PIBF1: variants seen among roughly 807,000 people sequenced by gnomAD.
The protein encoded by PIBF1 is progesterone-induced-blocking factor 1.
In PIBF1, 90 loss-of-function variants were observed where a neutral mutation model predicts 112.5. That is an observed-to-expected ratio of 0.80 (90% CI 0.67 to 0.95). The LOEUF is 0.95. PIBF1 is among the 40% of genes least tolerant of loss of function. The probability of loss-of-function intolerance (pLI) is 0.00; values close to 1 mark genes in which losing one functional copy is unlikely to be tolerated. For missense variants in PIBF1, 915 were observed against 852.3 expected, an observed-to-expected ratio of 1.07 and a Z score of -0.92; for synonymous variants, 301 against 288.6, an observed-to-expected ratio of 1.04 and a Z score of -0.44.
chr13:72,949,307 T>TG, intron 14 of PIBF1, among the ~76,000 whole-genome samples: 1 of 74,236 alleles, frequency 1.3e-5, no homozygotes. Context: ...TGTCTTTTTT[T>TG]TTTTTTTTTT....
chr13:72,928,016 C>CACACATATATATACACAT (rs1566458475), intron 13 of PIBF1, among the ~76,000 whole-genome samples: 12 of 53,978 alleles, frequency 2.2e-4, no homozygotes, highest in East Asian at 1.1e-3. Context: ...CATATATATA[C>CACACATATATATACACAT]ATATATATAC....
In PIBF1 at chr13:72,877,092, A is replaced by G. The variant is rs1480226151; in HGVS notation, c.1323-16692A>G. ...TACTAAGAGTTTGTATCATCAGTAG[A>G]TGTTAGATTTTGTGAAATGCTTTCT... On this transcript the variant is annotated intron_variant, in intron 10 of 17. Transcript: ENST00000326291. Among the ~76,000 whole-genome samples, 9 of 152,112 alleles carry G rather than the reference A, an allele frequency of 5.9e-5. No homozygotes were observed. In the East Asian group the frequency reaches 1.2e-3, roughly 20 times the overall value.
chr13:72,876,252 G>A (rs921887918), intron 10 of PIBF1, among the ~76,000 whole-genome samples: 4 of 148,606 alleles, frequency 2.7e-5, no homozygotes, highest in African/African-American at 7.5e-5. Flanking sequence ...TTGACTGTGC[G>A]GGTCTATTTC....
At chr13:72,886,667 T>G (rs543698613) in intron 10 of PIBF1, among the ~76,000 whole-genome samples, 1 of 152,214 alleles carries the variant, frequency 6.6e-6, no homozygotes, top group East Asian at 1.9e-4. Context: ...ATATGATAGA[T>G]GCATTGAATT....
At chr13:72,966,494 C>A (rs2042741997) in intron 15 of PIBF1, among the ~76,000 whole-genome samples, 1 of 152,096 alleles carries the variant, frequency 6.6e-6, no homozygotes, top group Non-Finnish European at 1.5e-5. Context: ...ATAAATAGTT[C>A]TTGGGGACAA....
chr13:73,013,323 A>G (rs1222733627), intron 17 of PIBF1, among the ~76,000 whole-genome samples: 1 of 146,354 alleles, frequency 6.8e-6, no homozygotes, highest in Admixed American at 6.7e-5. Context: ...AAAAAAAAAA[A>G]AAAGAAAATA....
At chr13:72,932,979 T>C (rs1414317960) in intron 14 of PIBF1, among the ~76,000 whole-genome samples, 1 of 152,192 alleles carries the variant, frequency 6.6e-6, no homozygotes, top group Non-Finnish European at 1.5e-5. Flanking sequence ...TTCCAGTTTT[T>C]GGAATAAAGC....
chr13:72,966,635 G>A (rs754668924), intron 15 of PIBF1, among the ~76,000 whole-genome samples: 1 of 151,992 alleles, frequency 6.6e-6, no homozygotes, highest in Admixed American at 6.5e-5. Context: ...TTGGCCAGGC[G>A]CAGTGGCTCA....
At position 72,950,485 on chromosome 13, in the gene PIBF1, G is replaced by A. The variant is rs528778867; in HGVS notation, c.1834-14789G>A. ...AGCAAGAATTCCCACTGCAGAAACC[G>A]TGTTACTTTTTCTCAAATAAATTTG... is the stretch of plus-strand genomic sequence containing the variant. On this transcript the variant is annotated intron_variant, in intron 14 of 17. Transcript: ENST00000326291. Among the ~76,000 whole-genome samples the A allele has an allele frequency of 7.2e-5, 11 of 152,202 alleles. No homozygotes were observed. The South Asian group carries it at 1.2e-3, about 17-fold the overall frequency.
chr13:72,838,608 G>A (rs950858190), intron 9 of PIBF1, among the ~76,000 whole-genome samples: 14 of 152,166 alleles, frequency 9.2e-5, no homozygotes, highest in African/African-American at 3.4e-4. Flanking sequence ...ATTTGTTATA[G>A]GTTGGTGTTT....
chr13:72,944,427 G>A (rs1263989953), intron 14 of PIBF1, among the ~76,000 whole-genome samples: 1 of 142,832 alleles, frequency 7.0e-6, no homozygotes, highest in Non-Finnish European at 1.5e-5. Flanking sequence ...TCTAGCCTAG[G>A]TGACAGAGCA....
intron 10 of PIBF1, among the ~76,000 whole-genome samples, chr13:72,866,552 C>G (rs1013091261): frequency 6.6e-6 from 1 of 152,070 alleles, no homozygotes; most frequent in African/African-American, 2.4e-5. Context: ...CTATGACATA[C>G]ATTTATTATG....
chr13:72,976,147 C>T (rs1319410682), intron 16 of PIBF1, among the ~76,000 whole-genome samples: 3 of 152,074 alleles, frequency 2.0e-5, no homozygotes, highest in Admixed American at 2.0e-4. Flanking sequence ...CCTGTAGTCC[C>T]AGGTACTCTG....
Position 72,998,867 on chromosome 13 carries a change from C to G in PIBF1, c.2095C>G (p.His699Asp). The change falls in exon 17 of 18, where the codon CAT (histidine) becomes GAT (aspartate). Residue 699 changes from histidine (H) to aspartate (D), a missense_variant. His to Asp is a moderately conservative substitution (Grantham distance 81). Transcript: ENST00000326291. Reference sequence around the variant, plus strand: ...GATTCTCGTTAAGATGCATAGTAAACATTCTGAGAACAGCTTACTTCTCAC... The same window carrying G: ...GATTCTCGTTAAGATGCATAGTAAAGATTCTGAGAACAGCTTACTTCTCAC... Reference protein sequence around the residue: ...KQILVKMHSKHSENSLLLTKT... With the variant: ...KQILVKMHSKDSENSLLLTKT... 1 of 1,612,212 alleles carries G rather than the reference C, an allele frequency of 6.2e-7. No homozygotes were observed. Among genetic ancestry groups the G allele is most frequent in the Non-Finnish European group, 8.5e-7 (1 of 1,178,890 alleles).
intron 10 of PIBF1, among the ~76,000 whole-genome samples, chr13:72,871,970 G>T (rs2138433258): frequency 6.6e-6 from 1 of 152,194 alleles, no homozygotes; most frequent in East Asian, 1.9e-4. Flanking sequence ...CTAACAGATG[G>T]ATCCTCTTAC....
At chr13:72,810,942 C>T (rs9573037) in intron 5 of PIBF1, among the ~76,000 whole-genome samples, 41,859 of 151,678 alleles carry the variant, frequency 0.28, 6,859 homozygotes, top group East Asian at 0.47. Context: ...CTGCAAGCTC[C>T]GCCCCCCAGG....
chr13:72,860,084 A>G (rs2038623564), intron 10 of PIBF1, among the ~76,000 whole-genome samples: 1 of 152,218 alleles, frequency 6.6e-6, no homozygotes, highest in African/African-American at 2.4e-5. Context: ...CAGTAGAAGT[A>G]TTCAGGCATA....
intron 11 of PIBF1, among the ~76,000 whole-genome samples, chr13:72,901,731 G>T (rs748594118): frequency 6.6e-6 from 1 of 151,558 alleles, no homozygotes. Context: ...TGGATGCGGC[G>T]ATCAGGGAAC....
intron 6 of PIBF1, among the ~76,000 whole-genome samples, chr13:72,826,369 A>T (rs2036813781): frequency 6.6e-6 from 1 of 152,206 alleles, no homozygotes; most frequent in Non-Finnish European, 1.5e-5. Context: ...CTGTGGAAAT[A>T]CCAGGTGGGT....
Sources: allele counts gnomAD v4.1 joint callset (sites outside exome capture counted in the v4.1 genomes callset), GRCh38; gene constraint gnomAD v4.1.1; transcripts MANE v1.5; gene names NCBI Gene and HGNC (gene_info 2026-07-23, HGNC 2026-07-21).